Variants in SLC2A13 observed in about 807,000 individuals in gnomAD.
SLC2A13 encodes solute carrier family 2 member 13, also known as proton myo-inositol cotransporter.
In SLC2A13, 32 loss-of-function variants were observed where a neutral mutation model predicts 64.4. The ratio of observed to expected loss-of-function variants is 0.50; its 90% CI spans 0.37 to 0.67. The LOEUF (loss-of-function observed/expected upper bound fraction) is 0.67, where lower values mean the gene tolerates loss of function less well. Ranked by LOEUF, SLC2A13 falls within the 30% of genes least tolerant of loss-of-function variation. SLC2A13 has a pLI of 0.00. For missense variants in SLC2A13, 743 were observed against 829.2 expected, an observed-to-expected ratio of 0.90 and a Z score of 1.28; for synonymous variants, 338 against 327.1, an observed-to-expected ratio of 1.03 and a Z score of -0.36.
chr12:39,924,780 A>C (rs1320185399), intron 4 of SLC2A13, among the ~76,000 whole-genome samples: 1 of 152,170 alleles, frequency 6.6e-6, no homozygotes. Context: ...TGTAAAATGC[A>C]ATAGGCTTGA....
At chr12:39,855,506 A>G (rs1369658643) in intron 6 of SLC2A13, among the ~76,000 whole-genome samples, 1 of 152,164 alleles carries the variant, frequency 6.6e-6, no homozygotes, top group Non-Finnish European at 1.5e-5. Flanking sequence ...CCTTCATTAC[A>G]CTGTTTTGCA....
chr12:40,043,054 A>AG lies in SLC2A13; in HGVS notation c.716+4996dup, dbSNP rs1948117346. ...ACAAAGTGGAGTCGGGGGCAACACTAGTTAGAAGAATCTTGAAAAGAATGC... is the reference window on the plus strand; with the variant it reads ...ACAAAGTGGAGTCGGGGGCAACACTAGGTTAGAAGAATCTTGAAAAGAATGC... On this transcript the variant is annotated intron_variant, in intron 2 of 9. Transcript: ENST00000280871. Among the ~76,000 whole-genome samples the AG allele has an allele frequency of 3.9e-5, 6 of 152,078 alleles. No homozygotes were observed. In the South Asian group the frequency reaches 1.2e-3, roughly 32 times the overall value.
chr12:39,935,935 G>A (rs941604170), intron 4 of SLC2A13, among the ~76,000 whole-genome samples: 1 of 151,864 alleles, frequency 6.6e-6, no homozygotes, highest in Non-Finnish European at 1.5e-5. Flanking sequence ...GCCCTGAGAA[G>A]TTATGAAACT....
intron 4 of SLC2A13, chr12:39,949,747 A>G (rs1946197218): frequency 6.6e-6 from 1 of 152,226 alleles, no homozygotes; most frequent in Non-Finnish European, 1.5e-5. Context: ...AACAAACAAA[A>G]CATATTTTCA....
intron 3 of SLC2A13, among the ~76,000 whole-genome samples, chr12:40,010,747 G>C (rs1450825494): frequency 6.6e-6 from 1 of 151,830 alleles, no homozygotes; most frequent in Admixed American, 6.6e-5. Flanking sequence ...TTAAATTTCT[G>C]TAATAGTTGA....
intron 7 of SLC2A13, among the ~76,000 whole-genome samples, chr12:39,775,552 A>G (rs1446068363): frequency 6.6e-6 from 1 of 152,228 alleles, no homozygotes; most frequent in African/African-American, 2.4e-5. Context: ...CTATTAATTC[A>G]TAAGAAAATA....
rs537366784 is a variant in SLC2A13 at position 40,048,281 on chromosome 12, G to T, written c.557-71C>A. ...TCTGTTGCAATAAATACTAATGCTAGATTTAGGCATACACTTACATATATG... is the reference window on the plus strand; with the variant it reads ...TCTGTTGCAATAAATACTAATGCTATATTTAGGCATACACTTACATATATG... On this transcript the variant is annotated intron_variant, in intron 1 of 9. Coordinates refer to ENST00000280871, the MANE Select transcript of SLC2A13 (RefSeq NM_052885.4). The T allele has an allele frequency of 1.4e-4, 207 of 1,446,412 alleles. 1 individual carries two copies. The East Asian group carries it at 4.1e-3, about 29-fold the overall frequency. The allele number at this position is 1,446,412 out of a possible 1,614,324, so 89.6% of individuals were successfully genotyped here. A position where few individuals can be genotyped will look rare whatever the true frequency, so the allele number is the denominator to read the frequency against.
At chr12:39,763,816 C>A (rs1940250932) in intron 9 of SLC2A13, among the ~76,000 whole-genome samples, 1 of 152,104 alleles carries the variant, frequency 6.6e-6, no homozygotes, top group Admixed American at 6.6e-5. Context: ...TTTCCTGACT[C>A]AGCCACTAAG....
At chr12:39,939,239 G>A (rs11174380) in intron 4 of SLC2A13, among the ~76,000 whole-genome samples, 25,724 of 152,000 alleles carry the variant, frequency 0.17, 2,255 homozygotes, top group South Asian at 0.24. Flanking sequence ...CCAAGTCCTT[G>A]TCTTAGGGCC....
intron 4 of SLC2A13, among the ~76,000 whole-genome samples, chr12:39,882,684 C>T (rs540475429): frequency 2.0e-5 from 3 of 152,252 alleles, no homozygotes; most frequent in Non-Finnish European, 4.4e-5. Flanking sequence ...TGCCTCATCA[C>T]CACCAAATCT....
At chr12:39,977,903 C>T (rs566782952) in intron 3 of SLC2A13, among the ~76,000 whole-genome samples, 1 of 152,324 alleles carries the variant, frequency 6.6e-6, no homozygotes, top group African/African-American at 2.4e-5. Flanking sequence ...ACCAGAGATG[C>T]CTCCCCTAAA....
chr12:39,770,317 T>A (rs763671462), intron 7 of SLC2A13, among the ~76,000 whole-genome samples: 1 of 152,118 alleles, frequency 6.6e-6, no homozygotes, highest in Non-Finnish European at 1.5e-5. Context: ...GCTATGAACA[T>A]CTAGATCCTG....
At chr12:39,851,515 C>T (rs925594480) in intron 6 of SLC2A13, among the ~76,000 whole-genome samples, 1 of 152,068 alleles carries the variant, frequency 6.6e-6, no homozygotes, top group Non-Finnish European at 1.5e-5. Context: ...CAAGATGGCC[C>T]TAATGTACAA....
chr12:39,886,211 G>A lies in SLC2A13; in HGVS notation c.1035-14250C>T, dbSNP rs147758999. On this transcript the variant is annotated intron_variant, in intron 4 of 9. Transcript: ENST00000280871. The stretch of plus-strand genomic sequence containing the variant: ...ACTAGTTGAACTGTAACAGCCCTGG[G>A]CAAAGAGAGGTCTGACACACAAATG... Among the ~76,000 whole-genome samples, 306 of 152,176 alleles carry A rather than the reference G, an allele frequency of 2.0e-3. 4 individuals carry two copies. The highest frequency in any genetic ancestry group is 0.018 in the Admixed American group (271 of 15,268).
intron 4 of SLC2A13, among the ~76,000 whole-genome samples, chr12:39,920,159 T>C (rs1422239998): frequency 6.6e-6 from 1 of 152,100 alleles, no homozygotes; most frequent in Non-Finnish European, 1.5e-5. Flanking sequence ...AAAATTAAGC[T>C]TTTCCAATAT....
At chr12:39,867,274 T>G (rs1943934343) in intron 5 of SLC2A13, among the ~76,000 whole-genome samples, 1 of 152,200 alleles carries the variant, frequency 6.6e-6, no homozygotes, top group Non-Finnish European at 1.5e-5. Flanking sequence ...AAGATGAGTC[T>G]CTTCTTTCAT....
chr12:40,038,959 A>G (rs1482763425), intron 2 of SLC2A13, among the ~76,000 whole-genome samples: 2 of 151,930 alleles, frequency 1.3e-5, no homozygotes, highest in Non-Finnish European at 2.9e-5. Context: ...TTCTGCAAAT[A>G]TAAGCTCAAT....
intron 1 of SLC2A13, among the ~76,000 whole-genome samples, chr12:40,090,713 C>A (rs1194696543): frequency 6.6e-6 from 1 of 152,150 alleles, no homozygotes; most frequent in African/African-American, 2.4e-5. Context: ...GTAACAAAGT[C>A]ATGTGTTTCT....
intron 5 of SLC2A13, among the ~76,000 whole-genome samples, chr12:39,866,098 T>C (rs1036492097): frequency 1.4e-4 from 21 of 152,318 alleles, no homozygotes; most frequent in African/African-American, 3.6e-4. Context: ...GTTTAAAACA[T>C]GGAATTTAGG....
Sources: allele counts gnomAD v4.1 joint callset (sites outside exome capture counted in the v4.1 genomes callset), GRCh38; gene constraint gnomAD v4.1.1; transcripts MANE v1.5; gene names NCBI Gene and HGNC (gene_info 2026-07-23, HGNC 2026-07-21).